Variants in SLCO3A1 observed in about 807,000 individuals in gnomAD.
SLCO3A1 encodes solute carrier organic anion transporter family member 3A1, also known as PGE1 transporter.
In SLCO3A1, 27 loss-of-function variants were observed where a neutral mutation model predicts 63.1. The observed-to-expected ratio is 0.43, with a 90% CI of 0.32 to 0.59. The LOEUF (loss-of-function observed/expected upper bound fraction) is 0.59, where lower values mean the gene tolerates loss of function less well. Ranked by LOEUF, SLCO3A1 falls within the 20% of genes least tolerant of loss-of-function variation. SLCO3A1 has a pLI of 0.09. For synonymous variants in SLCO3A1, 473 were observed against 409.9 expected (o/e 1.15, Z -1.86); for missense variants, 773 against 945.8 (o/e 0.82, Z 2.40).
chr15:91,951,558 CTTTTT>C (rs527858153), intron 2 of SLCO3A1, among the ~76,000 whole-genome samples: 1 of 138,106 alleles, frequency 7.2e-6, no homozygotes, highest in Non-Finnish European at 1.6e-5. Context: ...TTTTTCTTTT[CTTTTT>C]TTTTTTTTTT....
intron 2 of SLCO3A1, among the ~76,000 whole-genome samples, chr15:91,971,409 A>AAAAAAAAAAAAAAAAAAAC (rs1281171055): frequency 6.8e-6 from 1 of 146,506 alleles, no homozygotes; most frequent in Non-Finnish European, 1.5e-5. Context: ...AAAAAAAAAA[A>AAAAAAAAAAAAAAAAAAAC]AGCAACCTCT....
At chr15:91,986,895 G>T (rs1171302877) in intron 2 of SLCO3A1, among the ~76,000 whole-genome samples, 1 of 152,144 alleles carries the variant, frequency 6.6e-6, no homozygotes, top group African/African-American at 2.4e-5. Context: ...GGGGAGAAGG[G>T]TATCTCCATT....
intron 2 of SLCO3A1, among the ~76,000 whole-genome samples, chr15:91,993,108 C>G (rs541449148): frequency 8.5e-4 from 129 of 152,306 alleles, no homozygotes; most frequent in Middle Eastern, 3.4e-3. Flanking sequence ...GTCTTATCTC[C>G]TAAGTACAGC....
At chr15:91,920,591 G>A (rs1898810732) in intron 2 of SLCO3A1, among the ~76,000 whole-genome samples, 1 of 152,168 alleles carries the variant, frequency 6.6e-6, no homozygotes, top group South Asian at 2.1e-4. Context: ...AGACATCTGG[G>A]GCAGGAGCAA....
intron 2 of SLCO3A1, among the ~76,000 whole-genome samples, chr15:91,922,523 G>C (rs1027827271): frequency 6.6e-6 from 1 of 152,200 alleles, no homozygotes; most frequent in Admixed American, 6.5e-5. Flanking sequence ...AGCAACCAAA[G>C]AGAACCAAAT....
chr15:92,028,908 A>AGTGTGTGTGTGTGTGGGTGTGT (rs2046610213), intron 2 of SLCO3A1, among the ~76,000 whole-genome samples: 1 of 120,072 alleles, frequency 8.3e-6, no homozygotes, highest in Admixed American at 8.6e-5. Context: ...TGCAGGCACA[A>AGTGTGTGTGTGTGTGGGTGTGT]GTGTGTGTGT....
downstream of SLCO3A1, among the ~76,000 whole-genome samples, chr15:92,166,106 G>A (rs531803133): frequency 1.3e-5 from 2 of 152,192 alleles, no homozygotes; most frequent in Middle Eastern, 6.8e-3. Flanking sequence ...TATGAAGTAA[G>A]CACATTTTGC....
chr15:92,042,119 T>C (rs2046807301), intron 2 of SLCO3A1, among the ~76,000 whole-genome samples: 1 of 152,150 alleles, frequency 6.6e-6, no homozygotes, highest in South Asian at 2.1e-4. Context: ...CCCTGTCCTC[T>C]CTCAGCCAGA....
chr15:92,084,526 G>A (rs545959949), intron 2 of SLCO3A1, among the ~76,000 whole-genome samples: 17 of 152,314 alleles, frequency 1.1e-4, no homozygotes, highest in Admixed American at 9.8e-4. Flanking sequence ...AAGGTCAGTA[G>A]TACCTCTCTG....
At chr15:92,083,118 C>G (rs1390680677) in intron 2 of SLCO3A1, among the ~76,000 whole-genome samples, 3 of 152,220 alleles carry the variant, frequency 2.0e-5, no homozygotes, top group African/African-American at 7.2e-5. Flanking sequence ...ACGAAATGAT[C>G]ACTTTCCTTG....
At chr15:92,097,897 G>A (rs899517170) in intron 3 of SLCO3A1, 1 of 152,244 alleles carries the variant, frequency 6.6e-6, no homozygotes, top group African/African-American at 2.4e-5. Flanking sequence ...TGTATTTGAG[G>A]AGGGGATTCT....
intron 1 of SLCO3A1, among the ~76,000 whole-genome samples, chr15:91,901,112 T>A (rs1013326305): frequency 1.3e-5 from 2 of 152,150 alleles, no homozygotes; most frequent in African/African-American, 2.4e-5. Flanking sequence ...TGTGTTAATA[T>A]TTTCTCATGT....
intron 2 of SLCO3A1, among the ~76,000 whole-genome samples, chr15:92,016,545 T>C (rs78904581): frequency 6.6e-6 from 1 of 152,030 alleles, no homozygotes; most frequent in Admixed American, 6.5e-5. Flanking sequence ...TAAGTTGACA[T>C]GGAGGTAGGT....
At position 92,163,555 on chromosome 15, in the gene SLCO3A1, T is replaced by TAAAAAAAA. The variant is rs1491407256; in HGVS notation, c.*420_*421insAAAAAAAA. 28 of 552,752 alleles carry TAAAAAAAA rather than the reference T, an allele frequency of 5.1e-5. No homozygotes were observed. In the African/African-American group the frequency reaches 1.7e-3, roughly 34 times the overall value. 34.2% of individuals were successfully genotyped at this position (552,752 alleles called of 1,614,324 possible). Reference sequence around the variant, plus strand: ...AAGAAGTTTCCTAAAATAAAAAAAATTAAAAAAAAAAAACCCACAAGTTGA... The same window carrying TAAAAAAAA: ...AAGAAGTTTCCTAAAATAAAAAAAATAAAAAAAATAAAAAAAAAAAACCCACAAGTTGA... On this transcript the variant is annotated 3_prime_UTR_variant, in exon 10 of 10. Coordinates refer to ENST00000318445, the MANE Select transcript of SLCO3A1 (RefSeq NM_013272.4).
chr15:92,166,546 C>T (rs941599553), downstream of SLCO3A1, among the ~76,000 whole-genome samples: 3 of 152,178 alleles, frequency 2.0e-5, no homozygotes, highest in South Asian at 2.1e-4. Flanking sequence ...TAATTGCCCT[C>T]CAGCTTCCCC....
intron 1 of SLCO3A1, among the ~76,000 whole-genome samples, chr15:91,864,079 A>C (rs1897108796): frequency 6.6e-6 from 1 of 152,228 alleles, no homozygotes; most frequent in South Asian, 2.1e-4. Context: ...CTAGGCTCAG[A>C]GTGGCACGTG....
chr15:92,002,888 A>C (rs1233567946), intron 2 of SLCO3A1, among the ~76,000 whole-genome samples: 1 of 152,302 alleles, frequency 6.6e-6, no homozygotes, highest in South Asian at 2.1e-4. Context: ...TTAGATTACC[A>C]TACCCCAGTT....
chr15:92,119,773 C>T (rs1286163691), intron 4 of SLCO3A1, among the ~76,000 whole-genome samples: 1 of 152,146 alleles, frequency 6.6e-6, no homozygotes, highest in South Asian at 2.1e-4. Context: ...CTGATTTGAG[C>T]TGATCTCGCT....
rs891175252 is a variant in SLCO3A1, at chr15:91,862,887, C to T, written c.180+8799C>T. ...TAATGGGAATGGCTATTGTCTTTCA[C>T]CCCCTTTGCAAGAGGCTTATGTAAA... On this transcript the variant is annotated intron_variant, in intron 1 of 9. Transcript: ENST00000318445. This position sits in a 1 kb window ranked among gnomAD's most constrained non-coding sequence, Gnocchi z 4.0. 2.0e-5 allele frequency among the ~76,000 whole-genome samples: 3 copies of T among 152,190 alleles called. No individual in the cohort carries two copies. The highest frequency in any genetic ancestry group is 4.4e-5 in the Non-Finnish European group (3 of 68,040).
Sources: allele counts gnomAD v4.1 joint callset (sites outside exome capture counted in the v4.1 genomes callset), GRCh38; gene constraint gnomAD v4.1.1; non-coding constraint Gnocchi (gnomAD v3.1); transcripts MANE v1.5; gene names NCBI Gene and HGNC (gene_info 2026-07-23, HGNC 2026-07-21).